Variants in DNAAF19 observed in about 807,000 individuals in gnomAD.
The protein encoded by DNAAF19 is coiled-coil domain containing 103.
At chr17:44,902,988 A>C in the DNAAF19 span, 6 of 1,429,980 alleles carry the variant, frequency 4.2e-6, no homozygotes, top group Non-Finnish European at 5.5e-6. Context: ...CCAGTCCCTC[A>C]GTGTCTCGCT....
At chr17:44,901,214 A>G in the DNAAF19 span, 1 of 1,541,612 alleles carries the variant, frequency 6.5e-7, no homozygotes, top group Middle Eastern at 1.8e-4. Context: ...AAATCAAACC[A>G]TTCTGGGCTT....
At chr17:44,899,858 G>A in the DNAAF19 span, 1 of 152,338 alleles carries the variant, frequency 6.6e-6, no homozygotes, top group Non-Finnish European at 1.5e-5. Flanking sequence ...GGGGACGGAA[G>A]GGTTAGTTCT....
the DNAAF19 span, chr17:44,903,963 C>T: frequency 3.9e-6 from 6 of 1,550,640 alleles, no homozygotes; most frequent in Non-Finnish European, 5.2e-6. Flanking sequence ...GCCTACCTGG[C>T]CGACATGAGC....
the DNAAF19 span, chr17:44,903,556 T>C: frequency 4.5e-5 from 61 of 1,361,100 alleles, no homozygotes; most frequent in African/African-American, 8.0e-4. Context: ...TGAGCGCCAG[T>C]GTTCTAGAAA....
At chr17:44,903,604 C>T in the DNAAF19 span, 14 of 1,405,360 alleles carry the variant, frequency 1.0e-5, no homozygotes, top group East Asian at 3.1e-4. Flanking sequence ...GCTTTCCCCC[C>T]CCACCCTGAG....
the DNAAF19 span, chr17:44,904,579 G>A: frequency 7.1e-6 from 11 of 1,550,598 alleles, no homozygotes; most frequent in Admixed American, 2.0e-5. Flanking sequence ...AGACCATCCG[G>A]GAGGGCGTGC....
At chr17:44,901,720 A>ATTTTGTTTTG in the DNAAF19 span, 1 of 1,559,180 alleles carries the variant, frequency 6.4e-7, no homozygotes, top group East Asian at 2.3e-5. Flanking sequence ...CTGTTTTTTC[A>ATTTTGTTTTG]TTTTGTTTTG....
the DNAAF19 span, chr17:44,904,671 T>A: frequency 2.6e-6 from 4 of 1,550,574 alleles, no homozygotes; most frequent in East Asian, 9.8e-5. Context: ...CAGCAGAGAC[T>A]GGGCCATGGA....
chr17:44,905,069 T>C, the DNAAF19 span: 4 of 1,534,952 alleles, frequency 2.6e-6, no homozygotes, highest in Non-Finnish European at 3.5e-6. Flanking sequence ...CTTCTCCCCC[T>C]AGGAGCTCTC....
At chr17:44,904,234 C>T in the DNAAF19 span, 3 of 1,550,450 alleles carry the variant, frequency 1.9e-6, no homozygotes, top group African/African-American at 1.4e-5. Flanking sequence ...ACTTTTACGC[C>T]TACGATGTGG....
chr17:44,903,725 C>G, the DNAAF19 span: 1 of 1,447,050 alleles, frequency 6.9e-7, no homozygotes. Flanking sequence ...CTGCATAATC[C>G]TTTCCTCATC....
At chr17:44,905,235 T>A in the DNAAF19 span, 3 of 630,140 alleles carry the variant, frequency 4.8e-6, no homozygotes, top group Admixed American at 3.1e-5. Context: ...GGACCTGATC[T>A]GAGAAGTGGA....
chr17:44,900,860 C>T, the DNAAF19 span: 1 of 841,958 alleles, frequency 1.2e-6, no homozygotes, highest in Middle Eastern at 3.8e-4. Context: ...TTTTGTAACA[C>T]CTCCCAATCT....
the DNAAF19 span, chr17:44,905,262 G>C: frequency 1.5e-5 from 9 of 594,020 alleles, no homozygotes; most frequent in Admixed American, 1.9e-4. Context: ...TGAGGCTGGT[G>C]GGAGATTGGG....
chr17:44,902,289 ACAGGCTCCCCTCCCTGT>A, the DNAAF19 span: 1 of 1,578,540 alleles, frequency 6.3e-7, no homozygotes, highest in Non-Finnish European at 8.7e-7. Context: ...ATGAAGAGCT[ACAGGCTCCCCTCCCTGT>A]CACTGTTGCA....
At chr17:44,903,447 G>C in the DNAAF19 span, 1 of 1,252,510 alleles carries the variant, frequency 8.0e-7, no homozygotes, top group Middle Eastern at 3.1e-4. Context: ...TTTCCACCAG[G>C]CTGGCAGGGC....
At chr17:44,901,313 G>C in the DNAAF19 span, among the ~76,000 whole-genome samples, 1 of 152,346 alleles carries the variant, frequency 6.6e-6, no homozygotes, top group South Asian at 2.1e-4. Context: ...AACAGTAACT[G>C]TTATAATTAA....
chr17:44,902,583 G>A, the DNAAF19 span: 75 of 1,614,210 alleles, frequency 4.6e-5, 1 homozygote, highest in South Asian at 8.1e-4. Context: ...CGGTGCTGGG[G>A]ATCCTATGCA....
chr17:44,903,602 C>T, the DNAAF19 span: 1 of 1,405,540 alleles, frequency 7.1e-7, no homozygotes, highest in Non-Finnish European at 9.2e-7. Context: ...TGGCTTTCCC[C>T]CCCCACCCTG....
Sources: gnomAD v4.1 joint callset for allele counts (sites outside exome capture counted in the v4.1 genomes callset) on GRCh38, gnomAD v4.1.1 for gene constraint, MANE v1.5 for transcripts, NCBI Gene and HGNC (gene_info 2026-07-23, HGNC 2026-07-21) for gene names.